Variants in DCUN1D4 observed in about 807,000 individuals in gnomAD.
The protein encoded by DCUN1D4 is DCN1-like protein 4.
A neutral mutation model predicts 47.9 loss-of-function variants in DCUN1D4; 22 were observed. The ratio of observed to expected loss-of-function variants is 0.46; its 90% confidence interval spans 0.33 to 0.66. The LOEUF is 0.66. Among genes scored for constraint, DCUN1D4 ranks in the 30% least tolerant of loss-of-function variants. The pLI, the probability that DCUN1D4 is intolerant of heterozygous loss-of-function variation, is 0.02. For missense variants in DCUN1D4, 301 were observed against 340.8 expected, an observed-to-expected ratio of 0.88 and a Z score of 0.92; for synonymous variants, 121 against 112.2, an observed-to-expected ratio of 1.08 and a Z score of -0.50.
chr4:51,888,748 A>G (rs1463113253), intron 6 of DCUN1D4, among the ~76,000 whole-genome samples: 2 of 150,352 alleles, frequency 1.3e-5, no homozygotes, highest in Admixed American at 1.3e-4. Flanking sequence ...AAAAAACTCC[A>G]TTTCTGTAGG....
chr4:51,843,586 A>T (rs1721943286), intron 1 of DCUN1D4: 2 of 974,654 alleles, frequency 2.1e-6, no homozygotes, highest in Non-Finnish European at 2.4e-6. Flanking sequence ...TCCGGGGTGC[A>T]TGGAGGTGGA....
intron 8 of DCUN1D4, among the ~76,000 whole-genome samples, chr4:51,904,536 A>G (rs1732586675): frequency 6.6e-6 from 1 of 152,200 alleles, no homozygotes; most frequent in Non-Finnish European, 1.5e-5. Flanking sequence ...CAACTCAGCA[A>G]GATTGCTAGG....
chr4:51,880,105 G>T (rs946184594), intron 5 of DCUN1D4, among the ~76,000 whole-genome samples: 1 of 152,090 alleles, frequency 6.6e-6, no homozygotes, highest in East Asian at 1.9e-4. Context: ...AAAATAACTG[G>T]CATTGGGAAT....
intron 8 of DCUN1D4, among the ~76,000 whole-genome samples, chr4:51,905,490 CAA>C (rs2110119486): frequency 6.6e-6 from 1 of 152,204 alleles, no homozygotes; most frequent in South Asian, 2.1e-4. Context: ...TTTTTGCCCT[CAA>C]TATAAATTTT....
chr4:51,854,598 A>G (rs901653013), intron 1 of DCUN1D4, among the ~76,000 whole-genome samples: 1 of 152,210 alleles, frequency 6.6e-6, no homozygotes, highest in African/African-American at 2.4e-5. Context: ...CAACTTATTG[A>G]ACAAGTTGTC....
At chr4:51,837,975 A>G in the DCUN1D4 span, among the ~76,000 whole-genome samples, 2 of 152,036 alleles carry the variant, frequency 1.3e-5, no homozygotes, top group African/African-American at 4.8e-5. Flanking sequence ...GTCAGGAGTT[A>G]GAGACCAGCC....
intron 8 of DCUN1D4, chr4:51,909,071 A>G (rs920531684): frequency 1.1e-5 from 5 of 448,134 alleles, no homozygotes; most frequent in African/African-American, 8.0e-5. Flanking sequence ...GAAATCCTTC[A>G]TGATCATCAG....
intron 3 of DCUN1D4, among the ~76,000 whole-genome samples, chr4:51,866,603 A>G (rs1725970782): frequency 6.6e-6 from 1 of 152,192 alleles, no homozygotes; most frequent in Admixed American, 6.5e-5. Context: ...TTATGCTTAT[A>G]TGTTTAACTT....
At chr4:51,887,904 GTTT>G (rs76995556) in intron 6 of DCUN1D4, among the ~76,000 whole-genome samples, 2 of 128,384 alleles carry the variant, frequency 1.6e-5, no homozygotes, top group Non-Finnish European at 3.4e-5. Context: ...TTTTTTTTTG[GTTT>G]TTTTTTTTTT....
At chr4:51,913,494 A>T in intron 10 of DCUN1D4, 35 bp from the exon 11 acceptor site, 2 of 1,581,906 alleles carry the variant, frequency 1.3e-6, no homozygotes, top group Non-Finnish European at 1.7e-6. Context: ...TGTTATTATT[A>T]TTATTATTAC....
At chr4:51,845,180 C>T in intron 1 of DCUN1D4, 1 of 985,466 alleles carries the variant, frequency 1.0e-6, no homozygotes. Context: ...TTAATTTTGG[C>T]ATCCAGTGTG....
chr4:51,851,541 G>A (rs1419793964), intron 1 of DCUN1D4, among the ~76,000 whole-genome samples: 1 of 151,922 alleles, frequency 6.6e-6, no homozygotes, highest in Non-Finnish European at 1.5e-5. Flanking sequence ...GTGAGGTGCA[G>A]GGCTAGGCAG....
At chr4:51,846,293 A>T (rs1198995236) in intron 1 of DCUN1D4, among the ~76,000 whole-genome samples, 1 of 152,130 alleles carries the variant, frequency 6.6e-6, no homozygotes, top group South Asian at 2.1e-4. Context: ...CTTACACGTT[A>T]TCCAGAATTT....
chr4:51,885,943 G>A (rs1729416851), intron 5 of DCUN1D4, among the ~76,000 whole-genome samples: 1 of 152,194 alleles, frequency 6.6e-6, no homozygotes, highest in African/African-American at 2.4e-5. Context: ...TTGACATTTA[G>A]GGGCTTATTG....
intron 3 of DCUN1D4, among the ~76,000 whole-genome samples, chr4:51,873,081 AG>A (rs1727157692): frequency 2.0e-5 from 3 of 152,214 alleles, no homozygotes; most frequent in Non-Finnish European, 4.4e-5. Flanking sequence ...AGAACCACAT[AG>A]GTGAAGAACT....
upstream of DCUN1D4, among the ~76,000 whole-genome samples, chr4:51,841,560 T>C (rs1163855286): frequency 6.6e-6 from 1 of 152,138 alleles, no homozygotes; most frequent in South Asian, 2.1e-4. Context: ...AAATAATAAA[T>C]AACTTCAGGT....
At chr4:51,905,345 T>C (rs1442032978) in intron 8 of DCUN1D4, 1 of 313,926 alleles carries the variant, frequency 3.2e-6, no homozygotes, top group Non-Finnish European at 6.8e-6. Flanking sequence ...CAGAGCCACA[T>C]TGCTTTCCCT....
At position 51,874,385 on chromosome 4, in the gene DCUN1D4, G is replaced by A; in HGVS notation, c.251G>A (p.Ser84Asn). Reference sequence around the variant, plus strand: ...TCTGCCAAGAAAAGTAGACATGATAGGTATGATGTAGAGACAGTAGATCAG... The same window carrying A: ...TCTGCCAAGAAAAGTAGACATGATAAGTATGATGTAGAGACAGTAGATCAG... Reference protein sequence around the residue: ...DLSAKKSRHDSMYRKYDSTRI... With the variant: ...DLSAKKSRHDNMYRKYDSTRI... The change falls in exon 4 of 11, where the codon AGC becomes AAC. Residue 84 changes from serine to asparagine, a missense_variant and splice_region_variant. Ser to Asn is a conservative substitution (Grantham distance 46, BLOSUM62 1). Transcript: ENST00000334635. 2 of 1,599,246 alleles carry A rather than the reference G, an allele frequency of 1.3e-6. No individual in the cohort carries two copies. Among genetic ancestry groups the A allele is most frequent in the Non-Finnish European group, 1.7e-6 (2 of 1,167,682 alleles).
intron 7 of DCUN1D4, among the ~76,000 whole-genome samples, chr4:51,894,013 G>A (rs969408831): frequency 1.3e-5 from 2 of 152,138 alleles, no homozygotes; most frequent in South Asian, 2.1e-4. Flanking sequence ...AGAGGTCTGC[G>A]TCTGCGTTCT....
Sources: allele counts gnomAD v4.1 joint callset (sites outside exome capture counted in the v4.1 genomes callset), GRCh38; gene constraint gnomAD v4.1.1; transcripts MANE v1.5; gene names NCBI Gene and HGNC (gene_info 2026-07-23, HGNC 2026-07-21).